EYS: variants seen among roughly 807,000 people sequenced by gnomAD.
EYS encodes EGF-like photoreceptor maintenance factor, also known as protein eyes shut homolog.
Under a neutral mutation model 282.1 loss-of-function variants are expected in EYS, and 250 were observed. That is an observed-to-expected ratio of 0.89 (90% confidence interval 0.80 to 0.98). The LOEUF (loss-of-function observed/expected upper bound fraction) is 0.98. EYS is among the 50% of genes least tolerant of loss of function. The pLI is 0.00. For missense variants in EYS, 4,016 were observed against 3,709.0 expected, an observed-to-expected ratio of 1.08 and a Z score of -2.15; for synonymous variants, 1,355 against 1,282.9, an observed-to-expected ratio of 1.06 and a Z score of -1.20.
intron 2 of EYS, among the ~76,000 whole-genome samples, chr6:65,531,609 C>T (rs562337000): frequency 3.3e-5 from 5 of 152,158 alleles, no homozygotes; most frequent in Admixed American, 2.6e-4. Context: ...TAGGGAGATC[C>T]CTATGAGCAG....
chr6:64,453,336 T>G (rs1775431769), intron 26 of EYS, among the ~76,000 whole-genome samples: 2 of 152,130 alleles, frequency 1.3e-5, no homozygotes, highest in Non-Finnish European at 1.5e-5. Context: ...AGAATGGCGA[T>G]CATTAAAAAG....
chr6:64,467,933 T>G (rs143557927), intron 26 of EYS, among the ~76,000 whole-genome samples: 13 of 152,114 alleles, frequency 8.5e-5, no homozygotes, highest in Non-Finnish European at 5.9e-5. Flanking sequence ...CTGCCACTCA[T>G]GGGCTTCAGG....
chr6:65,062,736 C>A (rs1007621562), intron 12 of EYS, among the ~76,000 whole-genome samples: 1 of 151,908 alleles, frequency 6.6e-6, no homozygotes, highest in Non-Finnish European at 1.5e-5. Context: ...ACTGGAAAGT[C>A]TTCTCTGGAG....
chr6:64,834,987 G>T (rs1021403742), intron 19 of EYS, among the ~76,000 whole-genome samples: 3 of 151,678 alleles, frequency 2.0e-5, no homozygotes, highest in African/African-American at 7.3e-5. Context: ...GATTTAAAAT[G>T]AGTGGCCCAA....
chr6:65,421,650 T>C (rs1308565662), intron 5 of EYS, among the ~76,000 whole-genome samples: 1 of 151,948 alleles, frequency 6.6e-6, no homozygotes, highest in Non-Finnish European at 1.5e-5. Flanking sequence ...CTCATTAAGC[T>C]TCTTTCTACA....
At chr6:64,675,897 A>G (rs554485268) in intron 22 of EYS, among the ~76,000 whole-genome samples, 2 of 151,466 alleles carry the variant, frequency 1.3e-5, no homozygotes, top group South Asian at 4.2e-4. Context: ...ACTTTTAGAC[A>G]TGTTGAGAAG....
In EYS at chr6:63,886,292, T is replaced by C. The variant is rs538831299; in HGVS notation, c.7056-21934A>G. Among the ~76,000 whole-genome samples, 4 of 152,290 alleles carry C rather than the reference T, an allele frequency of 2.6e-5. No homozygotes were observed. The East Asian group carries it at 5.8e-4, about 22-fold the overall frequency. On this transcript the variant is annotated intron_variant, in intron 35 of 42. Coordinates refer to ENST00000503581, the MANE Select transcript of EYS (RefSeq NM_001142800.2). ...CATTTTACAGGGTTAAAAGTTGATATATTTTAAGTTTGTATTTTAAGATAT... is the reference window on the plus strand; with the variant it reads ...CATTTTACAGGGTTAAAAGTTGATACATTTTAAGTTTGTATTTTAAGATAT...
rs571586001 is a variant in EYS, at chr6:64,467,317, T to C, written c.5645-27965A>G. Among the ~76,000 whole-genome samples the C allele has an allele frequency of 2.0e-5, 3 of 152,316 alleles. No homozygotes were observed. The East Asian group carries it at 5.8e-4, about 29-fold the overall frequency. On this transcript the variant is annotated intron_variant, in intron 26 of 42. Transcript: ENST00000503581. Reference sequence around the variant, plus strand: ...TTTTAAAATAGCTAGAACAGTTATATAATGTCAGTAGGGCTAGAAATAGGT... The same window carrying C: ...TTTTAAAATAGCTAGAACAGTTATACAATGTCAGTAGGGCTAGAAATAGGT...
At chr6:64,370,091 T>A (rs1161572537) in intron 29 of EYS, among the ~76,000 whole-genome samples, 1 of 152,108 alleles carries the variant, frequency 6.6e-6, no homozygotes, top group Non-Finnish European at 1.5e-5. Flanking sequence ...AGAGAGGGCA[T>A]CCTTGTCTTG....
chr6:63,919,076 G>A (rs1348854850), intron 35 of EYS, among the ~76,000 whole-genome samples: 1 of 152,118 alleles, frequency 6.6e-6, no homozygotes, highest in African/African-American at 2.4e-5. Context: ...CATTTTTCTA[G>A]TCTAAGAAAA....
chr6:64,599,386 A>G (rs895676775), intron 24 of EYS, among the ~76,000 whole-genome samples: 1 of 152,200 alleles, frequency 6.6e-6, no homozygotes, highest in Non-Finnish European at 1.5e-5. Context: ...GGCAGAGCCT[A>G]TAATACATGC....
At chr6:63,907,171 C>T (rs1214978550) in intron 35 of EYS, among the ~76,000 whole-genome samples, 2 of 152,102 alleles carry the variant, frequency 1.3e-5, no homozygotes, top group Non-Finnish European at 2.9e-5. Flanking sequence ...TCCTTGTTAC[C>T]TTTTCTTTCA....
At chr6:65,420,089 G>A (rs1163699558) in intron 5 of EYS, among the ~76,000 whole-genome samples, 1 of 151,952 alleles carries the variant, frequency 6.6e-6, no homozygotes, top group African/African-American at 2.4e-5. Flanking sequence ...GGTGGTGGTT[G>A]CTAAAGATTG....
At chr6:64,598,438 G>T (rs977812300) in intron 24 of EYS, among the ~76,000 whole-genome samples, 1 of 152,202 alleles carries the variant, frequency 6.6e-6, no homozygotes, top group Non-Finnish European at 1.5e-5. Context: ...TCCAGGCTGG[G>T]CGACAGTGCG....
At chr6:65,461,658 G>C (rs1332912784) in intron 5 of EYS, among the ~76,000 whole-genome samples, 1 of 152,018 alleles carries the variant, frequency 6.6e-6, no homozygotes, top group African/African-American at 2.4e-5. Context: ...AAACCCTCAA[G>C]TTTTAAGCAT....
At chr6:64,673,020 ATAGT>A (rs1214059563) in intron 22 of EYS, among the ~76,000 whole-genome samples, 1 of 152,188 alleles carries the variant, frequency 6.6e-6, no homozygotes, top group African/African-American at 2.4e-5. Context: ...TTCTATCTTT[ATAGT>A]TAGTCTTGCT....
At chr6:64,815,468 A>C (rs559551154) in intron 21 of EYS, among the ~76,000 whole-genome samples, 1 of 152,202 alleles carries the variant, frequency 6.6e-6, no homozygotes, top group Admixed American at 6.6e-5. Context: ...TTCTGTCTCC[A>C]GGGTTTCAAG....
chr6:64,237,295 C>A (rs933289107), intron 30 of EYS, among the ~76,000 whole-genome samples: 1 of 152,162 alleles, frequency 6.6e-6, no homozygotes, highest in Admixed American at 6.6e-5. Flanking sequence ...TCACACAGGG[C>A]AGACCAACTG....
intron 2 of EYS, among the ~76,000 whole-genome samples, chr6:65,587,467 C>T (rs1455970854): frequency 2.6e-5 from 4 of 152,026 alleles, no homozygotes; most frequent in Non-Finnish European, 5.9e-5. Flanking sequence ...TAAGGGGCTT[C>T]CCCCTTCCCT....
Sources: allele counts gnomAD v4.1 joint callset (sites outside exome capture counted in the v4.1 genomes callset), GRCh38; gene constraint gnomAD v4.1.1; transcripts MANE v1.5; gene names NCBI Gene and HGNC (gene_info 2026-07-23, HGNC 2026-07-21).